RHOBTB1: variants seen among roughly 807,000 people sequenced by gnomAD.
RHOBTB1 encodes rho-related BTB domain-containing protein 1.
Under a neutral mutation model 71.6 loss-of-function variants are expected in RHOBTB1, and 40 were observed. The ratio of observed to expected loss-of-function variants is 0.56; its 90% CI spans 0.43 to 0.73. The LOEUF is 0.73. Among genes scored for constraint, RHOBTB1 ranks in the 30% least tolerant of loss-of-function variants. The pLI, the probability that RHOBTB1 is intolerant of heterozygous loss-of-function variation, is 0.00. For missense variants in RHOBTB1, 797 were observed against 894.0 expected (o/e 0.89, Z 1.38); for synonymous variants, 319 against 334.9 (o/e 0.95, Z 0.52).
At chr10:60,903,212 G>A (rs1444225326) in intron 4 of RHOBTB1, among the ~76,000 whole-genome samples, 1 of 152,136 alleles carries the variant, frequency 6.6e-6, no homozygotes, top group Non-Finnish European at 1.5e-5. Flanking sequence ...TGGGATAGGG[G>A]CCTAAATTCT....
At chr10:60,903,287 G>A (rs1201980009) in intron 4 of RHOBTB1, among the ~76,000 whole-genome samples, 2 of 152,132 alleles carry the variant, frequency 1.3e-5, no homozygotes, top group Admixed American at 1.3e-4. Flanking sequence ...ACTTTGTTAT[G>A]TCTGGACCAA....
At chr10:60,966,454 G>A (rs1180432418) in intron 2 of RHOBTB1, among the ~76,000 whole-genome samples, 1 of 151,596 alleles carries the variant, frequency 6.6e-6, no homozygotes, top group Non-Finnish European at 1.5e-5. Flanking sequence ...AGGATCACTT[G>A]AGACCAGGAG....
chr10:60,912,396 G>A (rs2083040075), intron 2 of RHOBTB1, among the ~76,000 whole-genome samples: 1 of 151,990 alleles, frequency 6.6e-6, no homozygotes, highest in Non-Finnish European at 1.5e-5. Context: ...ACCATGCCCG[G>A]CTAATTTTTA....
At chr10:60,953,175 G>A (rs1305823604) in intron 2 of RHOBTB1, among the ~76,000 whole-genome samples, 1 of 152,074 alleles carries the variant, frequency 6.6e-6, no homozygotes, top group African/African-American at 2.4e-5. Context: ...GGACAACATG[G>A]GTAAGGTTAG....
chr10:61,000,137 C>T (rs2087206488), intron 1 of RHOBTB1, among the ~76,000 whole-genome samples: 3 of 152,104 alleles, frequency 2.0e-5, no homozygotes, highest in Admixed American at 2.0e-4. Flanking sequence ...ATTAGTTAAT[C>T]CTTACGCTTC....
chr10:60,983,534 T>C (rs2086569847), intron 2 of RHOBTB1, among the ~76,000 whole-genome samples: 1 of 152,194 alleles, frequency 6.6e-6, no homozygotes, highest in African/African-American at 2.4e-5. Flanking sequence ...TCTTTCTTTT[T>C]TCCTCTTGGA....
rs548990779 is a variant in RHOBTB1, at chr10:60,871,631, G to A, written c.1942C>T (p.Arg648Trp). Residue 648 changes from arginine (R) to tryptophan (W), a missense_variant, in exon 11 of 11, where the codon CGG (arginine) becomes TGG (tryptophan). Arg to Trp is a moderately radical substitution (Grantham distance 101). This residue lies in a region of RHOBTB1 where 658 missense variants were observed against 681.5 expected (regional missense o/e 0.97). Coordinates refer to ENST00000337910, the MANE Select transcript of RHOBTB1 (RefSeq NM_014836.5). ...TACCACACAGGGGGCCAGCGGTGCC[G>A]CTCGAAGTATTCCTGGTTGTCTGGT... Reference protein sequence around the residue: ...KSADNQEYFERHRWPPVWYLK... With the variant: ...KSADNQEYFEWHRWPPVWYLK... 3.9e-5 allele frequency: 63 copies of A among 1,613,816 alleles called. No homozygotes were observed. The Admixed American group carries it at 4.0e-4, about 10-fold the overall frequency.
intron 2 of RHOBTB1, among the ~76,000 whole-genome samples, chr10:60,919,955 A>G (rs1310869321): frequency 6.6e-6 from 1 of 152,216 alleles, no homozygotes; most frequent in East Asian, 1.9e-4. Context: ...AAATAAACCA[A>G]AAATTTAAAA....
chr10:60,876,709 C>G (rs537624037), intron 8 of RHOBTB1, among the ~76,000 whole-genome samples: 1 of 152,276 alleles, frequency 6.6e-6, no homozygotes, highest in African/African-American at 2.4e-5. Flanking sequence ...TGGTTAAAAA[C>G]AGTTTTTAAA....
At chr10:60,951,384 A>G (rs905982384) in intron 2 of RHOBTB1, among the ~76,000 whole-genome samples, 2 of 152,188 alleles carry the variant, frequency 1.3e-5, no homozygotes, top group Admixed American at 6.5e-5. Flanking sequence ...GCCTGACTCA[A>G]TAATATCCTT....
At chr10:60,976,310 A>G (rs989504085) in intron 2 of RHOBTB1, among the ~76,000 whole-genome samples, 3 of 151,668 alleles carry the variant, frequency 2.0e-5, no homozygotes, top group South Asian at 4.2e-4. Flanking sequence ...TTTTGACTAT[A>G]TGTATATATA....
chr10:60,962,459 C>T (rs746490505), intron 2 of RHOBTB1, among the ~76,000 whole-genome samples: 5 of 151,978 alleles, frequency 3.3e-5, no homozygotes, highest in East Asian at 1.9e-4. Context: ...AAAATAAAGT[C>T]GAAAGTATTT....
intron 1 of RHOBTB1, among the ~76,000 whole-genome samples, chr10:60,990,297 C>A (rs2086817361): frequency 6.6e-6 from 1 of 152,066 alleles, no homozygotes; most frequent in Admixed American, 6.5e-5. Context: ...TCAGACTGTT[C>A]TATGCCCAAA....
chr10:60,933,658 G>A (rs1049540274), intron 2 of RHOBTB1, among the ~76,000 whole-genome samples: 3 of 151,596 alleles, frequency 2.0e-5, no homozygotes, highest in East Asian at 1.9e-4. Flanking sequence ...CCGAGACCAC[G>A]CCATTGCACT....
chr10:60,968,506 G>A (rs1036061066), intron 2 of RHOBTB1, among the ~76,000 whole-genome samples: 1 of 152,084 alleles, frequency 6.6e-6, no homozygotes, highest in Non-Finnish European at 1.5e-5. Flanking sequence ...CAATGAGTAA[G>A]CTGAGGTCCC....
intron 2 of RHOBTB1, among the ~76,000 whole-genome samples, chr10:60,918,079 T>C (rs923841262): frequency 2.0e-5 from 3 of 152,196 alleles, no homozygotes; most frequent in African/African-American, 7.2e-5. Context: ...AAAGTGCCCA[T>C]TTCATACACT....
chr10:60,877,892 G>A lies in RHOBTB1; in HGVS notation c.1726+16C>T. 4 of 1,610,750 alleles carry A rather than the reference G, an allele frequency of 2.5e-6. No individual in the cohort carries two copies. The highest frequency in any genetic ancestry group is 1.1e-5 in the South Asian group (1 of 90,334). ...AATATGACAGACACTGCATGGCCCT[G>A]AGTCATCATCCTTACCTGCAAGTGC... On this transcript the variant is annotated intron_variant, in intron 8 of 10. Coordinates refer to ENST00000337910, the MANE Select transcript of RHOBTB1 (RefSeq NM_014836.5).
intron 2 of RHOBTB1, among the ~76,000 whole-genome samples, chr10:60,953,623 A>C (rs1308033560): frequency 6.6e-6 from 1 of 152,210 alleles, no homozygotes. Flanking sequence ...TTTTATAAGC[A>C]TTATCATTTA....
At position 60,892,811 on chromosome 10, in the gene RHOBTB1, T is replaced by A; in HGVS notation, c.481A>T (p.Arg161Trp). Residue 161 changes from arginine (R) to tryptophan (W), a missense_variant and splice_region_variant, in exon 5 of 11, where the codon AGG becomes TGG. Coordinates refer to ENST00000337910, the MANE Select transcript of RHOBTB1 (RefSeq NM_014836.5). ...GAAACACTGAGTCCCTTGGCTTACCTTGCTAACGGGCGCCTGGCTCGATTA... is the reference window on the plus strand; with the variant it reads ...GAAACACTGAGTCCCTTGGCTTACCATGCTAACGGGCGCCTGGCTCGATTA... ...AVNRARRPLA[R>W]PIKRGDILPP... 6.2e-7 allele frequency: 1 copy of A among 1,611,784 alleles called. No homozygotes were observed. Among genetic ancestry groups the A allele is most frequent in the Non-Finnish European group, 8.5e-7 (1 of 1,178,990 alleles).
Sources: allele counts gnomAD v4.1 joint callset (sites outside exome capture counted in the v4.1 genomes callset), GRCh38; gene constraint gnomAD v4.1.1; regional missense constraint gnomAD v4.1.1; transcripts MANE v1.5; gene names NCBI Gene and HGNC (gene_info 2026-07-23, HGNC 2026-07-21).